The following HEATR5A variants were observed in gnomAD, a reference collection of about 807,000 sequenced individuals.
HEATR5A encodes the protein HEAT repeat containing 5A.
A neutral mutation model predicts 218.8 loss-of-function variants in HEATR5A; 178 were observed. The ratio of observed to expected loss-of-function variants is 0.81; its 90% CI spans 0.72 to 0.92. The LOEUF is 0.92. Ranked by LOEUF, HEATR5A falls within the 40% of genes least tolerant of loss-of-function variation. HEATR5A has a pLI of 0.00. For synonymous variants in HEATR5A, 864 were observed against 871.6 expected, an observed-to-expected ratio of 0.99 and a Z score of 0.15; for missense variants, 2,420 against 2,418.9, an observed-to-expected ratio of 1.00 and a Z score of -0.01.
chr14:31,361,941 AATTT>A (rs55748961), intron 14 of HEATR5A, among the ~76,000 whole-genome samples: 8,841 of 149,370 alleles, frequency 0.059, 342 homozygotes, highest in Non-Finnish European at 0.087. Context: ...TAAAATCAGA[AATTT>A]ATTTATTTAT....
chr14:31,366,428 AT>A (rs1237412561), intron 13 of HEATR5A, among the ~76,000 whole-genome samples: 2 of 152,354 alleles, frequency 1.3e-5, no homozygotes, highest in Admixed American at 1.3e-4. Context: ...ATGTTAGGAA[AT>A]TATATTTCTA....
chr14:31,301,825 T>C lies in HEATR5A; in HGVS notation c.5464+470A>G, dbSNP rs970369067. Among the ~76,000 whole-genome samples the C allele has an allele frequency of 6.2e-5, 9 of 144,304 alleles. No individual in the cohort carries two copies. The East Asian group carries it at 8.2e-4, about 13-fold the overall frequency. 94.7% of individuals were successfully genotyped at this position (144,304 alleles called of 152,430 possible). A position where few individuals can be genotyped will look rare whatever the true frequency, so the allele number is the denominator to read the frequency against. ...ACAGCTTTCTTTTTTTTTTTTTTTT[T>C]TTTTTTTTTTGAGACAGAGTCTCGC... On this transcript the variant is annotated intron_variant, in intron 33 of 35. Coordinates refer to ENST00000543095, the MANE Select transcript of HEATR5A (RefSeq NM_015473.4).
intron 6 of HEATR5A, among the ~76,000 whole-genome samples, chr14:31,391,142 G>C (rs1045529009): frequency 1.3e-5 from 2 of 152,180 alleles, no homozygotes; most frequent in African/African-American, 4.8e-5. Flanking sequence ...GCTGTACAAT[G>C]TATCTACGTT....
intron 23 of HEATR5A, among the ~76,000 whole-genome samples, chr14:31,324,301 T>G (rs1421450434): frequency 6.6e-6 from 1 of 152,196 alleles, no homozygotes; most frequent in Non-Finnish European, 1.5e-5. Flanking sequence ...ATTGCTACCA[T>G]TACAGTATCA....
At chr14:31,385,800 T>C (rs1259039866) in intron 9 of HEATR5A, among the ~76,000 whole-genome samples, 1 of 152,206 alleles carries the variant, frequency 6.6e-6, no homozygotes. Context: ...TTATCTTGGC[T>C]CACTTCAACT....
At chr14:31,360,347 T>TA (rs1275318993) in intron 14 of HEATR5A, among the ~76,000 whole-genome samples, 1 of 151,948 alleles carries the variant, frequency 6.6e-6, no homozygotes, top group Non-Finnish European at 1.5e-5. Flanking sequence ...CTGTACTTTT[T>TA]AAAAAAAATA....
rs540450781 is a variant in HEATR5A, at chr14:31,320,804, G to C, written c.3969+695C>G. ...GAGGTCTCCCTATGATGCCCAGACT[G>C]GACTTGAACTTCTGGGCTCAAGTGA... On this transcript the variant is annotated intron_variant, in intron 25 of 35. Transcript: ENST00000543095. Among the ~76,000 whole-genome samples the C allele has an allele frequency of 3.3e-5, 5 of 152,164 alleles. No individual in the cohort carries two copies. The South Asian group carries it at 8.3e-4, about 25-fold the overall frequency.
chr14:31,395,566 G>A (rs2030622881), intron 4 of HEATR5A, among the ~76,000 whole-genome samples: 1 of 152,110 alleles, frequency 6.6e-6, no homozygotes, highest in South Asian at 2.1e-4. Flanking sequence ...ATTTCACAGG[G>A]TTGATGTGAA....
chr14:31,344,211 C>A, intron 20 of HEATR5A, 146 bp from the exon 21 acceptor site: 5 of 263,902 alleles, frequency 1.9e-5, no homozygotes, highest in Admixed American at 5.7e-5. Flanking sequence ...CTGTGATGTA[C>A]AATTTCTTCT....
chr14:31,336,955 T>C (rs970454819), intron 22 of HEATR5A, among the ~76,000 whole-genome samples: 5 of 152,264 alleles, frequency 3.3e-5, no homozygotes, highest in African/African-American at 1.2e-4. Flanking sequence ...CTATTACTCA[T>C]AGGCTACAAA....
chr14:31,397,553 T>G (rs1355645618), intron 4 of HEATR5A, among the ~76,000 whole-genome samples: 2 of 150,278 alleles, frequency 1.3e-5, no homozygotes, highest in African/African-American at 2.5e-5. Flanking sequence ...CAGCTACTTG[T>G]GAGGCCGAGG....
intron 11 of HEATR5A, among the ~76,000 whole-genome samples, chr14:31,378,903 A>T (rs1595155380): frequency 6.6e-6 from 1 of 151,582 alleles, no homozygotes; most frequent in African/African-American, 2.4e-5. Context: ...AAAATGATTT[A>T]TCGGCCAAAT....
chr14:31,375,152 C>T (rs1288173612), intron 11 of HEATR5A, among the ~76,000 whole-genome samples, 184 bp from the exon 12 acceptor site: 7 of 152,138 alleles, frequency 4.6e-5, no homozygotes, highest in Non-Finnish European at 8.8e-5. Flanking sequence ...TGCTGGAGTA[C>T]AGAGAGGAAA....
At chr14:31,346,586 G>A (rs1237605910) in intron 19 of HEATR5A, among the ~76,000 whole-genome samples, 3 of 152,220 alleles carry the variant, frequency 2.0e-5, no homozygotes. Context: ...ATCATCTGTA[G>A]AAGTCAACAC....
intron 11 of HEATR5A, 78 bp downstream of exon 11, chr14:31,380,389 T>C (rs763936233): frequency 1.9e-4 from 174 of 899,530 alleles, no homozygotes; most frequent in Non-Finnish European, 2.9e-4. Flanking sequence ...GTTCATTTCA[T>C]CAAATCACAT....
Position 31,326,284 on chromosome 14 carries a change from C to T in HEATR5A, c.3426G>A (p.Glu1142=), listed in dbSNP as rs1394667811. 2.5e-6 allele frequency: 4 copies of T among 1,613,394 alleles called. No individual in the cohort carries two copies. Among genetic ancestry groups the T allele is most frequent in the African/African-American group, 2.7e-5 (2 of 75,016 alleles). Residue 1142 remains glutamate, a synonymous_variant, in exon 23 of 36, where the codon GAG becomes GAA. Coordinates refer to ENST00000543095, the MANE Select transcript of HEATR5A (RefSeq NM_015473.4). The part of the protein sequence containing the change: ...EGALLILLDK[E]TDERLCHDIK... Reference sequence around the variant, plus strand: ...TATCATGGCATAATCTCTCATCTGTCTCCTTGTCTAGTAAGATCAACAATG... The same window carrying T: ...TATCATGGCATAATCTCTCATCTGTTTCCTTGTCTAGTAAGATCAACAATG...
intron 3 of HEATR5A, among the ~76,000 whole-genome samples, chr14:31,399,655 C>T (rs2030795257): frequency 6.6e-6 from 1 of 152,088 alleles, no homozygotes; most frequent in Non-Finnish European, 1.5e-5. Flanking sequence ...CATGGTGAAA[C>T]CCCGTATCTA....
intron 30 of HEATR5A, 80 bp from the exon 31 acceptor site, chr14:31,306,959 T>C: frequency 8.5e-7 from 1 of 1,178,040 alleles, no homozygotes; most frequent in Non-Finnish European, 1.2e-6. Flanking sequence ...CTAAATGCCA[T>C]GACAAAATTC....
At chr14:31,376,606 G>T (rs1424808302) in intron 11 of HEATR5A, among the ~76,000 whole-genome samples, 1 of 152,158 alleles carries the variant, frequency 6.6e-6, no homozygotes, top group African/African-American at 2.4e-5. Flanking sequence ...GAGGAATCTG[G>T]AGATAAATCC....
Sources: gnomAD v4.1 joint callset for allele counts (sites outside exome capture counted in the v4.1 genomes callset) on GRCh38, gnomAD v4.1.1 for gene constraint, MANE v1.5 for transcripts, NCBI Gene and HGNC (gene_info 2026-07-23, HGNC 2026-07-21) for gene names.